DLC1: variants seen among roughly 807,000 people sequenced by gnomAD.
DLC1 encodes DLC1 Rho GTPase activating protein.
Under a neutral mutation model 140.3 loss-of-function variants are expected in DLC1, and 54 were observed. The ratio of observed to expected loss-of-function variants is 0.38; its 90% confidence interval spans 0.31 to 0.48. The LOEUF (loss-of-function observed/expected upper bound fraction) is 0.48, where lower values mean the gene tolerates loss of function less well. Among genes scored for constraint, DLC1 ranks in the 20% least tolerant of loss-of-function variants. The probability of loss-of-function intolerance (pLI) is 0.96; values close to 1 mark genes in which losing one functional copy is unlikely to be tolerated. For missense variants in DLC1, 2,536 were observed against 1,907.0 expected (o/e 1.33, Z -6.14); for synonymous variants, 986 against 728.1 (o/e 1.35, Z -5.70).
At chr8:13,335,016 G>A (rs955760811) in intron 4 of DLC1, among the ~76,000 whole-genome samples, 11 of 152,164 alleles carry the variant, frequency 7.2e-5, no homozygotes, top group African/African-American at 2.7e-4. Flanking sequence ...GCTCTAGCTG[G>A]TTGTCACTGT....
At chr8:13,200,637 C>T (rs1827328530) in intron 5 of DLC1, among the ~76,000 whole-genome samples, 1 of 152,208 alleles carries the variant, frequency 6.6e-6, no homozygotes, top group Non-Finnish European at 1.5e-5. Context: ...CAGAGTCTCA[C>T]TCTGTTGCCC....
chr8:13,271,100 C>T (rs545375899), intron 5 of DLC1, among the ~76,000 whole-genome samples: 2 of 152,232 alleles, frequency 1.3e-5, no homozygotes, highest in South Asian at 4.1e-4. Flanking sequence ...TCAACATGTT[C>T]CTCTTTTTAT....
At chr8:13,542,504 T>C (rs1011499521) in intron 1 of DLC1, among the ~76,000 whole-genome samples, 5 of 152,142 alleles carry the variant, frequency 3.3e-5, no homozygotes, top group African/African-American at 1.2e-4. Context: ...CTAATCTAGG[T>C]CCTTTGAATT....
At chr8:13,517,397 A>G (rs1802623487), upstream of DLC1, among the ~76,000 whole-genome samples, 1 of 152,212 alleles carries the variant, frequency 6.6e-6, no homozygotes, top group African/African-American at 2.4e-5. Flanking sequence ...TAAGTTTCTC[A>G]TAAACATACC....
At chr8:13,441,099 C>A (rs1200428677) in intron 2 of DLC1, among the ~76,000 whole-genome samples, 1 of 152,170 alleles carries the variant, frequency 6.6e-6, no homozygotes, top group African/African-American at 2.4e-5. Flanking sequence ...GAATTTCATT[C>A]ATCATCAATA....
intron 5 of DLC1, among the ~76,000 whole-genome samples, chr8:13,166,909 A>G (rs1390480011): frequency 2.0e-5 from 3 of 152,032 alleles, no homozygotes; most frequent in Admixed American, 2.0e-4. Context: ...AAAATACCTT[A>G]TTTTTTTGGA....
intron 5 of DLC1, among the ~76,000 whole-genome samples, chr8:13,256,879 T>TAA (rs570193249): frequency 7.7e-4 from 81 of 105,192 alleles, no homozygotes; most frequent in Middle Eastern, 5.6e-3. Flanking sequence ...TCCCAGAACT[T>TAA]AAAAAAAAAA....
chr8:13,535,053 G>A (rs1174226570), intron 1 of DLC1, among the ~76,000 whole-genome samples: 1 of 152,062 alleles, frequency 6.6e-6, no homozygotes, highest in Admixed American at 6.6e-5. Flanking sequence ...TTATACACCA[G>A]ACACTGACCA....
intron 4 of DLC1, among the ~76,000 whole-genome samples, chr8:13,348,657 G>A (rs926663654): frequency 6.6e-6 from 1 of 152,022 alleles, no homozygotes; most frequent in African/African-American, 2.4e-5. Context: ...CACAGAAGAA[G>A]CAGATTCACC....
Position 13,558,696 on chromosome 8 carries a change from C to T in DLC1, c.-126+45841G>A, listed in dbSNP as rs902289672. 2.6e-5 allele frequency: 4 copies of T among 152,124 alleles called. No homozygotes were observed. In the East Asian group the frequency reaches 7.7e-4, roughly 29 times the overall value. 9.4% of individuals were successfully genotyped at this position (152,124 alleles called of 1,614,324 possible). Reference sequence around the variant, plus strand: ...ATGTTTAAATATAACAAATGGGTCACATTGAATATTTCTCAGTTACATCGA... The same window carrying T: ...ATGTTTAAATATAACAAATGGGTCATATTGAATATTTCTCAGTTACATCGA... On this transcript the variant is annotated intron_variant, in intron 1 of 1. Transcript: ENST00000631382.
intron 2 of DLC1, among the ~76,000 whole-genome samples, chr8:13,448,422 G>C (rs1193757880): frequency 6.7e-6 from 1 of 150,282 alleles, no homozygotes; most frequent in Non-Finnish European, 1.5e-5. Context: ...GGAGTGCAGT[G>C]GTGCAATCTT....
intron 4 of DLC1, among the ~76,000 whole-genome samples, chr8:13,324,621 T>C (rs1485081285): frequency 1.3e-5 from 2 of 150,760 alleles, no homozygotes; most frequent in Admixed American, 6.6e-5. Context: ...CAACATGATA[T>C]AGTTTTATTT....
chr8:13,589,222 A>T (rs996770862), intron 1 of DLC1, among the ~76,000 whole-genome samples: 5 of 152,110 alleles, frequency 3.3e-5, no homozygotes, highest in Admixed American at 2.6e-4. Flanking sequence ...AGAGATGCTT[A>T]TGTATGCTTT....
intron 1 of DLC1, among the ~76,000 whole-genome samples, chr8:13,564,930 C>G (rs1215969450): frequency 6.6e-6 from 1 of 152,194 alleles, no homozygotes; most frequent in African/African-American, 2.4e-5. Context: ...CCTTCAGCCA[C>G]AGCTTGGTCC....
chr8:13,312,253 CG>C (rs1170268873), intron 4 of DLC1, among the ~76,000 whole-genome samples: 2 of 127,690 alleles, frequency 1.6e-5, no homozygotes, highest in Non-Finnish European at 3.3e-5. Context: ...CCCAGCTACT[CG>C]GGAGGCTGAG....
chr8:13,380,743 C>T (rs1344755777), intron 4 of DLC1, among the ~76,000 whole-genome samples: 1 of 152,126 alleles, frequency 6.6e-6, no homozygotes, highest in Non-Finnish European at 1.5e-5. Context: ...TTGACCCAAA[C>T]CCTAAGGGGA....
chr8:13,579,245 C>CATATATATATAT (rs749246152), intron 1 of DLC1, among the ~76,000 whole-genome samples: 1,985 of 18,840 alleles, frequency 0.11, 431 homozygotes, highest in Non-Finnish European at 0.13. Context: ...GAACAGGGAG[C>CATATATATATAT]ATATATATAT....
At position 13,357,695 on chromosome 8, in the gene DLC1, T is replaced by C. The variant is rs772178980; in HGVS notation, c.1314+35858A>G. ...TTTCATGAGTCAAATCCCAATTCTT[T>C]TCATCTTCAGGTTTTCTTCCTTGAG... On this transcript the variant is annotated intron_variant, in intron 4 of 17. Coordinates refer to ENST00000276297, the MANE Select transcript of DLC1 (RefSeq NM_182643.3). 2.0e-5 allele frequency among the ~76,000 whole-genome samples: 3 copies of C among 152,230 alleles called. No individual in the cohort carries two copies. In the South Asian group the frequency reaches 6.2e-4, roughly 32 times the overall value.
At chr8:13,163,710 G>A (rs1438219814) in intron 5 of DLC1, among the ~76,000 whole-genome samples, 7 of 152,248 alleles carry the variant, frequency 4.6e-5, no homozygotes, top group African/African-American at 1.4e-4. Context: ...GCCAGACGTG[G>A]TGGCTCCCAC....
Sources: gnomAD v4.1 joint callset for allele counts (sites outside exome capture counted in the v4.1 genomes callset) on GRCh38, gnomAD v4.1.1 for gene constraint, MANE v1.5 for transcripts, NCBI Gene and HGNC (gene_info 2026-07-23, HGNC 2026-07-21) for gene names.